Variants in LRP1B observed in about 807,000 individuals in gnomAD.
The protein encoded by LRP1B is LDL receptor related protein 1B.
Under a neutral mutation model 556.6 loss-of-function variants are expected in LRP1B, and 217 were observed. The observed-to-expected ratio is 0.39, with a 90% CI of 0.35 to 0.44. The LOEUF is 0.44. Among genes scored for constraint, LRP1B ranks in the 20% least tolerant of loss-of-function variants. LRP1B has a pLI of 1.00. For missense variants in LRP1B, 5,053 were observed against 5,620.8 expected (o/e 0.90, Z 3.23); for synonymous variants, 2,047 against 1,865.8 (o/e 1.10, Z -2.50).
intron 87 of LRP1B, among the ~76,000 whole-genome samples, chr2:140,245,367 T>G (rs1199472703): frequency 6.6e-6 from 1 of 151,368 alleles, no homozygotes; most frequent in East Asian, 1.9e-4. Context: ...ACACCAAACT[T>G]TCCCTTTGTG....
At chr2:141,929,438 A>G (rs1700425432) in intron 1 of LRP1B, among the ~76,000 whole-genome samples, 1 of 151,692 alleles carries the variant, frequency 6.6e-6, no homozygotes, top group African/African-American at 2.4e-5. Context: ...AATCACATAT[A>G]ACAGGCATGC....
chr2:141,220,527 A>C (rs1387109010), intron 6 of LRP1B, among the ~76,000 whole-genome samples: 1 of 152,016 alleles, frequency 6.6e-6, no homozygotes, highest in Non-Finnish European at 1.5e-5. Flanking sequence ...TCCCCAACCT[A>C]GCAAGACAGG....
intron 3 of LRP1B, among the ~76,000 whole-genome samples, chr2:141,376,328 G>C (rs1689434852): frequency 2.0e-5 from 3 of 152,184 alleles, no homozygotes; most frequent in African/African-American, 7.2e-5. Flanking sequence ...AAAATGTGGA[G>C]CTCTGGGAGT....
chr2:140,590,343 G>A (rs1385771), intron 43 of LRP1B, among the ~76,000 whole-genome samples: 131,210 of 147,658 alleles, frequency 0.89, 58,920 homozygotes, highest in East Asian at 1. Context: ...ATGTGTGTGT[G>A]TATATATATA....
intron 59 of LRP1B, among the ~76,000 whole-genome samples, chr2:140,475,622 G>A (rs1687943249): frequency 6.6e-6 from 1 of 151,012 alleles, no homozygotes; most frequent in Non-Finnish European, 1.5e-5. Context: ...AATTATAGAT[G>A]TTCAAAACTA....
intron 85 of LRP1B, among the ~76,000 whole-genome samples, chr2:140,273,322 G>A (rs1484389699): frequency 1.3e-5 from 2 of 151,938 alleles, no homozygotes; most frequent in Non-Finnish European, 2.9e-5. Context: ...AGCTTTATGA[G>A]GAAACATGAT....
chr2:141,732,299 A>G (rs1313090450), intron 2 of LRP1B, among the ~76,000 whole-genome samples: 1 of 152,204 alleles, frequency 6.6e-6, no homozygotes, highest in Non-Finnish European at 1.5e-5. Context: ...AGTAGGACAT[A>G]GAAATCACCC....
intron 35 of LRP1B, among the ~76,000 whole-genome samples, chr2:140,718,198 T>C (rs946015742): frequency 3.3e-5 from 5 of 152,086 alleles, no homozygotes; most frequent in Non-Finnish European, 7.4e-5. Context: ...CTCAATGAAA[T>C]ATGCTTCTCC....
At chr2:140,318,902 G>C (rs1048140596) in intron 82 of LRP1B, among the ~76,000 whole-genome samples, 3 of 151,884 alleles carry the variant, frequency 2.0e-5, no homozygotes, top group East Asian at 3.9e-4. Flanking sequence ...TTCCTCATAG[G>C]TTTTCAAAAT....
At chr2:141,754,680 G>T (rs1694255141) in intron 2 of LRP1B, among the ~76,000 whole-genome samples, 1 of 152,020 alleles carries the variant, frequency 6.6e-6, no homozygotes, top group African/African-American at 2.4e-5. Flanking sequence ...TCCCTTTAGT[G>T]GTGCTAAATA....
intron 2 of LRP1B, among the ~76,000 whole-genome samples, chr2:141,753,695 A>T (rs1019709055): frequency 3.3e-5 from 5 of 152,098 alleles, no homozygotes; most frequent in African/African-American, 1.2e-4. Flanking sequence ...CTCTCCAATG[A>T]CTTTCCACCA....
rs368822856 is a variant in LRP1B, at chr2:140,462,178, C to T, written c.9626-4527G>A. ...CTTTTTAATATATTTTAAGACACTCCCATTTTTTAAAAGAATTCTTGCTGC... is the reference window on the plus strand; with the variant it reads ...CTTTTTAATATATTTTAAGACACTCTCATTTTTTAAAAGAATTCTTGCTGC... On this transcript the variant is annotated intron_variant, in intron 60 of 90. Coordinates refer to ENST00000389484, the MANE Select transcript of LRP1B (RefSeq NM_018557.3). 3.4e-4 allele frequency among the ~76,000 whole-genome samples: 51 copies of T among 152,148 alleles called. 1 individual carries two copies. The South Asian group carries it at 8.3e-3, about 25-fold the overall frequency.
chr2:140,927,234 G>A (rs556633449), intron 20 of LRP1B, among the ~76,000 whole-genome samples: 6 of 152,134 alleles, frequency 3.9e-5, no homozygotes, highest in Non-Finnish European at 7.4e-5. Flanking sequence ...GAACCCAGGA[G>A]GCAGAGATTG....
chr2:141,381,365 G>GA (rs578203777), intron 3 of LRP1B, among the ~76,000 whole-genome samples: 5,183 of 132,646 alleles, frequency 0.039, 109 homozygotes, highest in South Asian at 0.068. Flanking sequence ...AGTCAAAAGA[G>GA]AAAAAAAAAA....
intron 62 of LRP1B, among the ~76,000 whole-genome samples, 196 bp downstream of exon 62, chr2:140,456,255 TTTTG>T (rs1314776375): frequency 2.0e-5 from 3 of 152,300 alleles, no homozygotes; most frequent in African/African-American, 4.8e-5. Flanking sequence ...CTCTCTCTTT[TTTTG>T]TTTGTTTGTT....
intron 35 of LRP1B, among the ~76,000 whole-genome samples, chr2:140,768,932 T>C (rs6742612): frequency 0.27 from 40,210 of 151,502 alleles, 5,668 homozygotes; most frequent in South Asian, 0.33. Flanking sequence ...AGTATCAAAA[T>C]AAAAAAGAGA....
chr2:140,234,980 A>C (rs1680634973), intron 89 of LRP1B, 96 bp from the exon 90 acceptor site: 1 of 615,340 alleles, frequency 1.6e-6, no homozygotes, highest in African/African-American at 1.9e-5. Context: ...TAACATAAAA[A>C]TACCCTTTAG....
intron 2 of LRP1B, among the ~76,000 whole-genome samples, chr2:141,699,028 T>C (rs1490794752): frequency 1.3e-5 from 2 of 151,906 alleles, no homozygotes; most frequent in Admixed American, 1.3e-4. Context: ...TTTATTCTCT[T>C]CTCTCATTCT....
intron 65 of LRP1B, 90 bp downstream of exon 65, chr2:140,444,240 T>A (rs1053416111): frequency 8.8e-6 from 12 of 1,366,750 alleles, no homozygotes; most frequent in Middle Eastern, 2.4e-4. Flanking sequence ...TTTATCTACA[T>A]CATATGAATT....
Sources: allele counts gnomAD v4.1 joint callset (sites outside exome capture counted in the v4.1 genomes callset), GRCh38; gene constraint gnomAD v4.1.1; transcripts MANE v1.5; gene names NCBI Gene and HGNC (gene_info 2026-07-23, HGNC 2026-07-21).